FRMD4A: variants seen among roughly 807,000 people sequenced by gnomAD.
The protein encoded by FRMD4A is FERM domain-containing protein 4A.
A neutral mutation model predicts 129.1 loss-of-function variants in FRMD4A; 29 were observed. That is an observed-to-expected ratio of 0.22 (90% CI 0.17 to 0.31). The LOEUF (loss-of-function observed/expected upper bound fraction) is 0.31, where lower values mean the gene tolerates loss of function less well. Ranked by LOEUF, FRMD4A falls within the 10% of genes least tolerant of loss-of-function variation. The pLI is 1.00. For synonymous variants in FRMD4A, 634 were observed against 571.6 expected, an observed-to-expected ratio of 1.11 and a Z score of -1.56; for missense variants, 1,272 against 1,375.8, an observed-to-expected ratio of 0.92 and a Z score of 1.19.
At chr10:14,008,077 T>A (rs1057390264) in intron 2 of FRMD4A, 1 of 1,303,452 alleles carries the variant, frequency 7.7e-7, no homozygotes, top group African/African-American at 1.5e-5. Flanking sequence ...ACGCTGCGCC[T>A]TCTCAGAGAT....
chr10:14,195,624 T>G (rs1388242736), intron 2 of FRMD4A, among the ~76,000 whole-genome samples: 1 of 152,072 alleles, frequency 6.6e-6, no homozygotes, highest in East Asian at 1.9e-4. Flanking sequence ...TCTCCAGGCG[T>G]CCCCCGTTGC....
chr10:14,131,213 C>T (rs968654937), intron 2 of FRMD4A, among the ~76,000 whole-genome samples: 8 of 152,164 alleles, frequency 5.3e-5, no homozygotes, highest in Admixed American at 5.2e-4. Context: ...GTTCACAAAT[C>T]TCTCCTCTAA....
intron 2 of FRMD4A, among the ~76,000 whole-genome samples, chr10:13,950,297 G>A (rs1184152079): frequency 3.9e-5 from 6 of 152,206 alleles, no homozygotes; most frequent in Non-Finnish European, 8.8e-5. Context: ...TGTTATTTCT[G>A]GCATCATCTT....
intron 2 of FRMD4A, among the ~76,000 whole-genome samples, chr10:13,946,608 C>CTT (rs781607667): frequency 1.3e-5 from 2 of 152,144 alleles, no homozygotes; most frequent in Non-Finnish European, 2.9e-5. Flanking sequence ...ATTGCCCAAT[C>CTT]TTTTCTTTTT....
chr10:14,010,510 A>G (rs1043817948), intron 2 of FRMD4A, among the ~76,000 whole-genome samples: 1 of 151,988 alleles, frequency 6.6e-6, no homozygotes, highest in Admixed American at 6.6e-5. Flanking sequence ...CCTCCCAGAT[A>G]ATGGAGCCCT....
intron 2 of FRMD4A, among the ~76,000 whole-genome samples, chr10:14,280,198 G>A (rs960121270): frequency 2.0e-5 from 3 of 152,212 alleles, no homozygotes; most frequent in African/African-American, 7.2e-5. Context: ...GATGGGGGCA[G>A]AGTGGGAGCA....
chr10:14,196,058 G>A (rs139068062), intron 2 of FRMD4A, among the ~76,000 whole-genome samples: 1,733 of 152,220 alleles, frequency 0.011, 31 homozygotes, highest in Non-Finnish European at 0.013. Context: ...AATTAAAATG[G>A]ACAGAGACTG....
chr10:14,211,596 A>T (rs1489979569), intron 2 of FRMD4A, among the ~76,000 whole-genome samples: 1 of 152,140 alleles, frequency 6.6e-6, no homozygotes, highest in Admixed American at 6.5e-5. Flanking sequence ...CCATGATAAG[A>T]TCTTTAGGGT....
Position 14,022,657 on chromosome 10 carries a change from A to G in FRMD4A, c.46-163745T>C, listed in dbSNP as rs2131647673. ...GCTAGAGATGATAATGGATGGAAGA[A>G]CTGGAGAAGTGCTGGCTGTGGGAGG... On this transcript the variant is annotated intron_variant, in intron 2 of 24. Coordinates refer to ENST00000357447, the MANE Select transcript of FRMD4A (RefSeq NM_018027.5). Among the ~76,000 whole-genome samples the G allele has an allele frequency of 1.3e-5, 2 of 152,268 alleles. 1 individual carries two copies. The highest frequency in any genetic ancestry group is 4.2e-4 in the South Asian group (2 of 4,808).
chr10:14,298,264 C>A (rs545994913), intron 2 of FRMD4A, among the ~76,000 whole-genome samples: 1 of 152,184 alleles, frequency 6.6e-6, no homozygotes, highest in Non-Finnish European at 1.5e-5. Context: ...GGTAAATATA[C>A]ACCAGTACAC....
intron 2 of FRMD4A, among the ~76,000 whole-genome samples, chr10:13,999,865 A>G (rs765141195): frequency 2.6e-5 from 4 of 152,236 alleles, no homozygotes; most frequent in Non-Finnish European, 4.4e-5. Flanking sequence ...TCTGCATACA[A>G]GCACAGGCAC....
At chr10:13,807,824 T>C (rs2093381196) in intron 4 of FRMD4A, among the ~76,000 whole-genome samples, 1 of 145,474 alleles carries the variant, frequency 6.9e-6, no homozygotes, top group Non-Finnish European at 1.5e-5. Flanking sequence ...TTGGAGACAG[T>C]GTTTTACTCT....
chr10:13,970,156 A>G (rs1281337318), intron 2 of FRMD4A, among the ~76,000 whole-genome samples: 1 of 152,170 alleles, frequency 6.6e-6, no homozygotes, highest in East Asian at 1.9e-4. Flanking sequence ...CAAATTTGGA[A>G]GGATTTCTCT....
At chr10:13,976,546 A>AT (rs61706353) in intron 2 of FRMD4A, among the ~76,000 whole-genome samples, 133 of 149,024 alleles carry the variant, frequency 8.9e-4, no homozygotes, top group Non-Finnish European at 1.4e-3. Flanking sequence ...AGACAGAGGA[A>AT]TTTTTTTTTT....
In FRMD4A at chr10:13,694,016, G is replaced by A; in HGVS notation, c.999C>T (p.Ser333=). The stretch of plus-strand genomic sequence containing the variant: ...TCAGGTCGATGGCGATCTCACTCAG[G>A]CTGCGTGCTGCATGGATTTTGGACT... The part of the protein sequence containing the change: ...QSKSKIHAAR[S]LSEIAIDLTE... The change falls in exon 15 of 25, where the codon AGC becomes AGT. Residue 333 remains serine, a synonymous_variant. Transcript: ENST00000357447. 6.6e-7 allele frequency: 1 copy of A among 1,522,126 alleles called. No homozygotes were observed. Among genetic ancestry groups the A allele is most frequent in the Non-Finnish European group, 8.8e-7 (1 of 1,137,476 alleles). The allele number at this position is 1,522,126 out of a possible 1,614,324, so 94.3% of individuals were successfully genotyped here. A position where few individuals can be genotyped will look rare whatever the true frequency, so the allele number is the denominator to read the frequency against.
At chr10:13,680,390 G>A (rs1435213496) in intron 15 of FRMD4A, among the ~76,000 whole-genome samples, 2 of 151,782 alleles carry the variant, frequency 1.3e-5, no homozygotes, top group African/African-American at 2.4e-5. Context: ...ATATGCTTTT[G>A]CAAGTGCAAA....
At chr10:14,065,327 G>T (rs905255484) in intron 2 of FRMD4A, among the ~76,000 whole-genome samples, 2 of 152,126 alleles carry the variant, frequency 1.3e-5, no homozygotes, top group East Asian at 3.9e-4. Context: ...GGGACTACAG[G>T]CATTCGCCAC....
intron 2 of FRMD4A, among the ~76,000 whole-genome samples, chr10:14,004,890 T>G (rs1200809066): frequency 6.6e-6 from 1 of 152,258 alleles, no homozygotes; most frequent in East Asian, 1.9e-4. Flanking sequence ...CTAAATTGTC[T>G]TTGTTACTTA....
chr10:13,743,649 A>T (rs1319484724), intron 9 of FRMD4A, among the ~76,000 whole-genome samples: 1 of 152,232 alleles, frequency 6.6e-6, no homozygotes, highest in East Asian at 1.9e-4. Flanking sequence ...CAGCAGCAGA[A>T]ATCTTTGCCG....
Sources: allele counts gnomAD v4.1 joint callset (sites outside exome capture counted in the v4.1 genomes callset), GRCh38; gene constraint gnomAD v4.1.1; transcripts MANE v1.5; gene names NCBI Gene and HGNC (gene_info 2026-07-23, HGNC 2026-07-21).